The following MRPL45 variants were observed in gnomAD, a reference collection of about 807,000 sequenced individuals.
MRPL45 encodes mitochondrial ribosomal protein L45.
In MRPL45, 20 loss-of-function variants were observed where a neutral mutation model predicts 38.1. The observed-to-expected ratio is 0.53, with a 90% CI of 0.37 to 0.76. MRPL45 has a LOEUF of 0.76. MRPL45 is among the 30% of genes least tolerant of loss of function. The pLI, the probability that MRPL45 is intolerant of heterozygous loss-of-function variation, is 0.00. For missense variants in MRPL45, 337 were observed against 395.6 expected (o/e 0.85, Z 1.26); for synonymous variants, 105 against 128.8 (o/e 0.82, Z 1.25).
intron 4 of MRPL45, among the ~76,000 whole-genome samples, chr17:38,317,468 A>G (rs1211784215): frequency 6.6e-6 from 1 of 152,162 alleles, no homozygotes; most frequent in Non-Finnish European, 1.5e-5. Flanking sequence ...ATCTGAAAGA[A>G]GCTAATCTAT....
chr17:38,313,348 GTATA>G (rs1194428266), intron 4 of MRPL45, among the ~76,000 whole-genome samples: 2 of 18,072 alleles, frequency 1.1e-4, no homozygotes, highest in African/African-American at 4.8e-4. Flanking sequence ...ATATATATAC[GTATA>G]TATATATATA....
chr17:38,318,695 A>G lies in MRPL45; in HGVS notation c.470A>G (p.His157Arg). ...EAHLCLNNSD[H>R]DRLHTLVTEH... ...ATTGCTTTCTTTTCTAGCTCAGACCATGACCGGCTTCATACCTTGGTAACT... is the reference window on the plus strand; with the variant it reads ...ATTGCTTTCTTTTCTAGCTCAGACCGTGACCGGCTTCATACCTTGGTAACT... Residue 157 changes from histidine to arginine, a missense_variant, in exon 5 of 8, where the codon CAT becomes CGT. By Grantham distance (29) the His-to-Arg change is conservative (BLOSUM62 0). Around this residue, in one of 3 missense-constraint regions of MRPL45, gnomAD observed 251 missense variants for 269.1 expected, o/e 0.93. Coordinates refer to ENST00000613675, the MANE Select transcript of MRPL45 (RefSeq NM_032351.6). 3 of 1,609,006 alleles carry G rather than the reference A, an allele frequency of 1.9e-6. No homozygotes were observed. The highest frequency in any genetic ancestry group is 2.6e-6 in the Non-Finnish European group (3 of 1,175,784).
chr17:38,323,012 G>A lies in MRPL45; in HGVS notation c.*417G>A. ...AGTTCTGCACATTTCCCCTGGTTCA[G>A]GCTGGGCATGGACCAGCCTTCAGAT... On this transcript the variant is annotated 3_prime_UTR_variant, in exon 8 of 8. Transcript: ENST00000613675. The A allele has an allele frequency of 6.0e-6, 1 of 166,318 alleles. No homozygotes were observed. Among genetic ancestry groups the A allele is most frequent in the East Asian group, 1.7e-4 (1 of 5,746 alleles). The allele number at this position is 166,318 out of a possible 1,614,324, so 10.3% of individuals were successfully genotyped here. A position where few individuals can be genotyped will look rare whatever the true frequency, so the allele number is the denominator to read the frequency against.
At chr17:38,316,107 T>G (rs1004840929) in intron 4 of MRPL45, among the ~76,000 whole-genome samples, 1 of 152,128 alleles carries the variant, frequency 6.6e-6, no homozygotes, top group African/African-American at 2.4e-5. Flanking sequence ...TTCTATCCAT[T>G]TCTTTCTTCT....
intron 4 of MRPL45, among the ~76,000 whole-genome samples, chr17:38,307,722 T>C (rs1051671932): frequency 1.3e-5 from 2 of 152,184 alleles, no homozygotes; most frequent in African/African-American, 4.8e-5. Flanking sequence ...TGGAATATCT[T>C]AAGTACTAGC....
In MRPL45 at chr17:38,322,121, T is replaced by G. The variant is rs756077334; in HGVS notation, c.661-5T>G. 1.2e-6 allele frequency: 2 copies of G among 1,613,082 alleles called. No homozygotes were observed. The highest frequency in any genetic ancestry group is 1.7e-6 in the Non-Finnish European group (2 of 1,179,208). ...AAGAGGCCAGATTTGCTTTTATCCT[T>G]GCAGACTCTGGCCATCTATGACCGG... On this transcript the variant is annotated splice_polypyrimidine_tract_variant and splice_region_variant and intron_variant, in intron 6 of 7. Transcript: ENST00000613675.
At position 38,322,123 on chromosome 17, in the gene MRPL45, C is replaced by T; in HGVS notation, c.661-3C>T. 6.2e-7 allele frequency: 1 copy of T among 1,613,030 alleles called. No individual in the cohort carries two copies. Among genetic ancestry groups the T allele is most frequent in the South Asian group, 1.1e-5 (1 of 91,024 alleles). On this transcript the variant is annotated splice_polypyrimidine_tract_variant and splice_region_variant and intron_variant, in intron 6 of 7. Coordinates refer to ENST00000613675, the MANE Select transcript of MRPL45 (RefSeq NM_032351.6). ...GAGGCCAGATTTGCTTTTATCCTTG[C>T]AGACTCTGGCCATCTATGACCGGTT...
intron 4 of MRPL45, among the ~76,000 whole-genome samples, chr17:38,316,989 G>A (rs1192092549): frequency 2.0e-5 from 3 of 151,950 alleles, no homozygotes; most frequent in African/African-American, 7.2e-5. Context: ...GTAGGGACAG[G>A]GTTTCACCAT....
Position 38,306,712 on chromosome 17 carries a change from T to G in MRPL45, c.461+81T>G, listed in dbSNP as rs1597648645. On this transcript the variant is annotated intron_variant, in intron 4 of 7. Coordinates refer to ENST00000613675, the MANE Select transcript of MRPL45 (RefSeq NM_032351.6). ...AGGCACAGTTTTTTTGTTTGTTTGT[T>G]TTTGTTTTGCACAAATTTGTTTTCT... The G allele has an allele frequency of 1.9e-6, 3 of 1,582,028 alleles. No individual in the cohort carries two copies. In the East Asian group the frequency reaches 6.8e-5, roughly 36 times the overall value.
chr17:38,314,021 T>C lies in MRPL45; in HGVS notation c.462-4666T>C, dbSNP rs183618195. ...TTGTTGTTGAGTTATAGGAGTTCTT[T>C]ATATATTTTGGATATTAATCCTTTA... On this transcript the variant is annotated intron_variant, in intron 4 of 7. Transcript: ENST00000613675. Among the ~76,000 whole-genome samples the C allele has an allele frequency of 6.4e-4, 97 of 152,336 alleles. 3 individuals carry two copies. The highest frequency in any genetic ancestry group is 1.6e-4 in the Non-Finnish European group (11 of 68,042).
chr17:38,310,274 C>G (rs2037098315), intron 4 of MRPL45, among the ~76,000 whole-genome samples: 1 of 150,192 alleles, frequency 6.7e-6, no homozygotes, highest in African/African-American at 2.4e-5. Flanking sequence ...TCCATTTTCT[C>G]TTGTCTTATT....
intron 4 of MRPL45, among the ~76,000 whole-genome samples, chr17:38,310,405 T>C (rs1323545647): frequency 1.3e-5 from 2 of 151,524 alleles, no homozygotes; most frequent in South Asian, 4.2e-4. Context: ...CTCCGCTCAC[T>C]GCATCCTCTG....
At position 38,297,320 on chromosome 17, in the gene MRPL45, G is replaced by C. The variant is rs2036946639; in HGVS notation, c.66+71G>C. ...GACAGAGTCGAGGGAAATACTCTCT[G>C]TGCAATTGTCCTTGGTGAGCTGGGA... On this transcript the variant is annotated intron_variant, in intron 1 of 7. Coordinates refer to ENST00000613675, the MANE Select transcript of MRPL45 (RefSeq NM_032351.6). The C allele has an allele frequency of 8.4e-6, 12 of 1,430,172 alleles. No individual in the cohort carries two copies. In the Admixed American group the frequency reaches 2.0e-4, roughly 24 times the overall value. The allele number at this position is 1,430,172 out of a possible 1,614,324, so 88.6% of individuals were successfully genotyped here.
intron 3 of MRPL45, among the ~76,000 whole-genome samples, chr17:38,305,503 A>G (rs1395390999): frequency 6.8e-6 from 1 of 146,158 alleles, no homozygotes; most frequent in African/African-American, 2.5e-5. Context: ...TGTTATTCTG[A>G]CTCTTTTTTT....
rs1259764504 is a variant in MRPL45 at position 38,311,702 on chromosome 17, AAAG to A, written c.461+5073_461+5075del. 4.4e-3 allele frequency among the ~76,000 whole-genome samples: 663 copies of A among 151,390 alleles called. 3 individuals carry two copies. Among genetic ancestry groups the A allele is most frequent in the African/African-American group, 0.015 (609 of 41,298 alleles). On this transcript the variant is annotated intron_variant, in intron 4 of 7. Coordinates refer to ENST00000613675, the MANE Select transcript of MRPL45 (RefSeq NM_032351.6). The stretch of plus-strand genomic sequence containing the variant: ...TCCGTCTCAAAAAAAAAAAAAAAAA[AAAG>A]AGACCTGAGGGAGCTTGTGCACCCC...
chr17:38,316,362 A>AT (rs2037172999), intron 4 of MRPL45, among the ~76,000 whole-genome samples: 7 of 151,970 alleles, frequency 4.6e-5, no homozygotes, highest in African/African-American at 1.4e-4. Context: ...CCCTTGTATA[A>AT]TTTCTGTCTC....
At chr17:38,318,101 A>G (rs2037192175) in intron 4 of MRPL45, among the ~76,000 whole-genome samples, 1 of 150,870 alleles carries the variant, frequency 6.6e-6, no homozygotes, top group African/African-American at 2.4e-5. Context: ...CCAGCTACTC[A>G]GGAGGCTGAG....
chr17:38,322,393 A>G (rs1486536672), intron 7 of MRPL45, 94 bp downstream of exon 7: 3 of 751,188 alleles, frequency 4.0e-6, no homozygotes, highest in African/African-American at 2.6e-5. Flanking sequence ...AGAGGGGGTG[A>G]TGCACCACCC....
chr17:38,320,797 CT>C, intron 6 of MRPL45, 30 bp downstream of exon 6: 5 of 1,611,000 alleles, frequency 3.1e-6, no homozygotes, highest in Non-Finnish European at 1.7e-6. Context: ...TTCCTCCCAG[CT>C]TTTTTTCACT....
Sources: allele counts gnomAD v4.1 joint callset (sites outside exome capture counted in the v4.1 genomes callset), GRCh38; gene constraint gnomAD v4.1.1; regional missense constraint gnomAD v4.1.1; transcripts MANE v1.5; gene names NCBI Gene and HGNC (gene_info 2026-07-23, HGNC 2026-07-21).